Variants in MED13 observed in about 807,000 individuals in gnomAD.
The protein encoded by MED13 is mediator of RNA polymerase II transcription subunit 13.
In MED13, 23 loss-of-function variants were observed where a neutral mutation model predicts 225.2. The ratio of observed to expected loss-of-function variants is 0.10; its 90% CI spans 0.07 to 0.14. MED13 has a LOEUF of 0.14. MED13 is among the 10% of genes least tolerant of loss of function. The pLI is 1.00. For missense variants in MED13, 2,197 were observed against 2,594.5 expected (o/e 0.85, Z 3.33); for synonymous variants, 942 against 889.2 (o/e 1.06, Z -1.06).
At position 61,944,317 on chromosome 17, in the gene MED13, A is replaced by T. The variant is rs1176283082; in HGVS notation, c.*2151T>A. On this transcript the variant is annotated 3_prime_UTR_variant, in exon 30 of 30. Coordinates refer to ENST00000397786, the MANE Select transcript of MED13 (RefSeq NM_005121.3). ...AGTCACTATTAAGTGTATAAAAAGGATACTCTTTTTATGGAAATTCCAAAT... is the reference window on the plus strand; with the variant it reads ...AGTCACTATTAAGTGTATAAAAAGGTTACTCTTTTTATGGAAATTCCAAAT... 1 of 152,260 alleles carries T rather than the reference A, an allele frequency of 6.6e-6. No individual in the cohort carries two copies. Among genetic ancestry groups the T allele is most frequent in the African/African-American group, 2.4e-5 (1 of 41,366 alleles). 9.4% of individuals were successfully genotyped at this position (152,260 alleles called of 1,614,324 possible).
intron 8 of MED13, among the ~76,000 whole-genome samples, chr17:62,024,399 A>T (rs1461260383): frequency 1.3e-5 from 2 of 152,230 alleles, no homozygotes; most frequent in South Asian, 2.1e-4. Flanking sequence ...GCATATTTTA[A>T]TGCCTTCCTC....
At chr17:62,048,091 G>A (rs950617222) in intron 3 of MED13, among the ~76,000 whole-genome samples, 2 of 141,184 alleles carry the variant, frequency 1.4e-5, no homozygotes, top group Non-Finnish European at 3.0e-5. Flanking sequence ...TATCCCTGAA[G>A]GTGGATATAT....
chr17:62,043,181 A>AAAAG lies in MED13; in HGVS notation c.471-7577_471-7574dup, dbSNP rs1323468206. Among the ~76,000 whole-genome samples, 760 of 133,956 alleles carry AAAAG rather than the reference A, an allele frequency of 5.7e-3. 14 individuals carry two copies. Among genetic ancestry groups the AAAAG allele is most frequent in the African/African-American group, 0.02 (660 of 32,592 alleles). 87.9% of individuals were successfully genotyped at this position (133,956 alleles called of 152,430 possible). A position where few individuals can be genotyped will look rare whatever the true frequency, so the allele number is the denominator to read the frequency against. Reference sequence around the variant, plus strand: ...CAAAAAAAAAAAAAAAAAAAAAAAAAAAAGAAAGAAAGAAAGAAAGAAAAA... The same window carrying AAAAG: ...CAAAAAAAAAAAAAAAAAAAAAAAAAAAAGAAAGAAAGAAAGAAAGAAAGAAAAA... On this transcript the variant is annotated intron_variant, in intron 3 of 29. Transcript: ENST00000397786.
chr17:61,956,872 G>A (rs72843769), intron 23 of MED13, among the ~76,000 whole-genome samples: 1 of 151,974 alleles, frequency 6.6e-6, no homozygotes, highest in African/African-American at 2.4e-5. Flanking sequence ...GTGAAAAACA[G>A]ATCTCCTTAA....
chr17:61,955,361 A>C (rs762870785), intron 26 of MED13, 21 bp downstream of exon 26: 27 of 1,495,744 alleles, frequency 1.8e-5, no homozygotes, highest in Non-Finnish European at 2.3e-5. Flanking sequence ...TCAGACTACC[A>C]AAATGGAACA....
chr17:61,980,188 A>G (rs1239277792), intron 16 of MED13, among the ~76,000 whole-genome samples: 2 of 151,958 alleles, frequency 1.3e-5, no homozygotes, highest in African/African-American at 4.8e-5. Context: ...ACTCTGTCTC[A>G]AAACAAAAAC....
At chr17:62,029,445 T>C (rs796138854) in intron 8 of MED13, 96 bp downstream of exon 8, 7 of 859,632 alleles carry the variant, frequency 8.1e-6, no homozygotes, top group African/African-American at 3.4e-5. Flanking sequence ...TCCTGACATA[T>C]GTTCATGTAA....
intron 2 of MED13, among the ~76,000 whole-genome samples, chr17:62,062,478 G>A (rs530635253): frequency 4.3e-4 from 65 of 152,108 alleles, no homozygotes; most frequent in Non-Finnish European, 3.1e-4. Context: ...ATGTTTGACA[G>A]AACAGTATAT....
intron 20 of MED13, 44 bp downstream of exon 20, chr17:61,964,962 C>T (rs779764980): frequency 6.5e-7 from 1 of 1,540,520 alleles, no homozygotes; most frequent in Non-Finnish European, 8.8e-7. Flanking sequence ...GAAGCAGCAT[C>T]ATAGTTTTTA....
chr17:61,985,908 T>C lies in MED13; in HGVS notation c.2386-818A>G, dbSNP rs367588567. 1.1e-3 allele frequency among the ~76,000 whole-genome samples: 168 copies of C among 152,290 alleles called. 1 individual carries two copies. The highest frequency in any genetic ancestry group is 3.8e-3 in the African/African-American group (156 of 41,574). On this transcript the variant is annotated intron_variant, in intron 12 of 29. Coordinates refer to ENST00000397786, the MANE Select transcript of MED13 (RefSeq NM_005121.3). ...TTAACAGGTAAAACTAAGTACAAACTTCAGAAGATCTAATGACAAAGCAAT... is the reference window on the plus strand; with the variant it reads ...TTAACAGGTAAAACTAAGTACAAACCTCAGAAGATCTAATGACAAAGCAAT...
At chr17:61,986,962 T>A in intron 12 of MED13, 45 bp downstream of exon 12, 1 of 1,339,336 alleles carries the variant, frequency 7.5e-7, no homozygotes, top group African/African-American at 1.5e-5. Context: ...AATAATAAAA[T>A]CAAGGAAAAC....
intron 9 of MED13, among the ~76,000 whole-genome samples, chr17:62,002,986 C>T (rs892320151): frequency 6.6e-6 from 1 of 152,138 alleles, no homozygotes; most frequent in Non-Finnish European, 1.5e-5. Context: ...CTAATTTCTA[C>T]CTACTAGGTG....
At chr17:61,990,422 TAACAA>T in intron 11 of MED13, among the ~76,000 whole-genome samples, 1 of 152,070 alleles carries the variant, frequency 6.6e-6, no homozygotes, top group South Asian at 2.1e-4. Flanking sequence ...AATAGGAGAC[TAACAA>T]TTCTCCTCAT....
chr17:61,995,236 T>C lies in MED13; in HGVS notation c.2097A>G (p.Ala699=). ...AEQEPKIDPY[A]FVEGDEEFLF... is the part of the protein sequence containing the mutation. ...GGAATTCCTCATCTCCTTCAACAAA[T>C]GCATATGGATCAATTTTAGGTTCTT... The change falls in exon 10 of 30, where the codon GCA becomes GCG. Residue 699 remains alanine, a synonymous_variant. Transcript: ENST00000397786. 1 of 1,613,820 alleles carries C rather than the reference T, an allele frequency of 6.2e-7. No homozygotes were observed. The highest frequency in any genetic ancestry group is 1.1e-5 in the South Asian group (1 of 91,068).
chr17:62,040,527 T>C (rs1176055465), intron 3 of MED13, among the ~76,000 whole-genome samples: 2 of 152,238 alleles, frequency 1.3e-5, no homozygotes, highest in Non-Finnish European at 2.9e-5. Context: ...ATATGTATGC[T>C]AGATTAGGCA....
intron 2 of MED13, among the ~76,000 whole-genome samples, chr17:62,060,778 C>G (rs1337896627): frequency 6.6e-6 from 1 of 151,738 alleles, no homozygotes; most frequent in African/African-American, 2.4e-5. Context: ...CGGCTCACTG[C>G]AACCTCCGCC....
intron 20 of MED13, among the ~76,000 whole-genome samples, chr17:61,963,343 C>T (rs2080023704): frequency 1.3e-5 from 2 of 151,568 alleles, no homozygotes; most frequent in Non-Finnish European, 2.9e-5. Flanking sequence ...TTGTCTGAGG[C>T]TATCTCAAAT....
chr17:62,058,520 C>CAAAAAAAAAAAAAAAAAAAAA (rs751957495), intron 2 of MED13, among the ~76,000 whole-genome samples: 3 of 53,444 alleles, frequency 5.6e-5, no homozygotes, highest in African/African-American at 7.7e-5. Context: ...GACTTCATCT[C>CAAAAAAAAAAAAAAAAAAAAA]AAAAAAAAAA....
chr17:61,957,108 ACAATCTCGGCTCACTG>A (rs1358892119), intron 23 of MED13, among the ~76,000 whole-genome samples: 1 of 151,852 alleles, frequency 6.6e-6, no homozygotes, highest in Non-Finnish European at 1.5e-5. Flanking sequence ...GTGCAGTGGC[ACAATCTCGGCTCACTG>A]CAACCTCTGC....
Sources: gnomAD v4.1 joint callset for allele counts (sites outside exome capture counted in the v4.1 genomes callset) on GRCh38, gnomAD v4.1.1 for gene constraint, MANE v1.5 for transcripts, NCBI Gene and HGNC (gene_info 2026-07-23, HGNC 2026-07-21) for gene names.